The following DCP2 variants were observed in gnomAD, a reference collection of about 807,000 sequenced individuals.
The protein encoded by DCP2 is m7GpppN-mRNA hydrolase.
DCP2 carries 30 observed loss-of-function variants against 56.1 expected under a neutral mutation model. The observed-to-expected ratio is 0.53, with a 90% CI of 0.40 to 0.73. The LOEUF is 0.73. Among genes scored for constraint, DCP2 ranks in the 30% least tolerant of loss-of-function variants. DCP2 has a pLI of 0.00. For synonymous variants in DCP2, 197 were observed against 163.3 expected (o/e 1.21, Z -1.57); for missense variants, 533 against 502.7 (o/e 1.06, Z -0.58).
chr5:113,013,595 A>T lies in DCP2; in HGVS notation c.*111A>T, dbSNP rs983523645. 4.7e-6 allele frequency: 6 copies of T among 1,289,160 alleles called. No individual in the cohort carries two copies. Among genetic ancestry groups the T allele is most frequent in the Non-Finnish European group, 6.4e-6 (6 of 933,810 alleles). 79.9% of individuals were successfully genotyped at this position (1,289,160 alleles called of 1,614,324 possible). A position where few individuals can be genotyped will look rare whatever the true frequency, so the allele number is the denominator to read the frequency against. On this transcript the variant is annotated 3_prime_UTR_variant, in exon 11 of 11. Transcript: ENST00000389063. ...TGTTTTAAAGAAATGCAGGGAGGCA[A>T]TGTTTCTGAAGACATTTTCTGTTTA... is the stretch of plus-strand genomic sequence containing the variant.
At chr5:113,000,580 A>T (rs34291626) in intron 4 of DCP2, among the ~76,000 whole-genome samples, 10,192 of 152,290 alleles carry the variant, frequency 0.067, 474 homozygotes, top group Non-Finnish European at 0.1. Context: ...AATCAAAAAC[A>T]TTATTAAGCT....
intron 1 of DCP2, among the ~76,000 whole-genome samples, chr5:112,980,331 T>A (rs904514696): frequency 1.3e-5 from 2 of 152,250 alleles, no homozygotes; most frequent in African/African-American, 4.8e-5. Flanking sequence ...CAACTAGTGT[T>A]GCTGCTATTT....
At chr5:112,986,124 ATAG>A (rs1170246958) in intron 2 of DCP2, 138 bp downstream of exon 2, 4 of 741,982 alleles carry the variant, frequency 5.4e-6, no homozygotes, top group African/African-American at 1.7e-5. Flanking sequence ...TCAAACATAA[ATAG>A]TAGACACAAT....
At position 113,020,939 on chromosome 5, in the gene DCP2, T is replaced by G. The variant is rs1005294634; in HGVS notation, c.*7455T>G. The stretch of plus-strand genomic sequence containing the variant: ...GTTTGTAATGTACTATCAATAAAAT[T>G]GGCTGCTTGGGCGGTTTTAGTTACC... On this transcript the variant is annotated 3_prime_UTR_variant, in exon 11 of 11. Coordinates refer to ENST00000389063, the MANE Select transcript of DCP2 (RefSeq NM_152624.6). 6.6e-6 allele frequency: 1 copy of G among 152,238 alleles called. No individual in the cohort carries two copies. Among genetic ancestry groups the G allele is most frequent in the Admixed American group, 6.5e-5 (1 of 15,278 alleles). The allele number at this position is 152,238 out of a possible 1,614,324, so 9.4% of individuals were successfully genotyped here.
intron 4 of DCP2, among the ~76,000 whole-genome samples, chr5:112,996,808 C>T (rs781702220): frequency 1.3e-5 from 2 of 152,108 alleles, no homozygotes; most frequent in Admixed American, 1.3e-4. Flanking sequence ...ATAGTTTATT[C>T]AGTGAAATAG....
chr5:113,016,671 T>C lies in DCP2; in HGVS notation c.*3187T>C, dbSNP rs1749898327. 1 of 152,196 alleles carries C rather than the reference T, an allele frequency of 6.6e-6. No homozygotes were observed. Among genetic ancestry groups the C allele is most frequent in the African/African-American group, 2.4e-5 (1 of 41,458 alleles). The allele number at this position is 152,196 out of a possible 1,614,324, so 9.4% of individuals were successfully genotyped here. ...ACCATATTGTATCCTATAGAAAAGT[T>C]AAGGTCTGAGTGCATGTGTGCATTA... On this transcript the variant is annotated 3_prime_UTR_variant, in exon 11 of 11. Transcript: ENST00000389063.
At position 112,992,790 on chromosome 5, in the gene DCP2, T is replaced by C; in HGVS notation, c.432+20T>C. On this transcript the variant is annotated intron_variant, in intron 4 of 10. Coordinates refer to ENST00000389063, the MANE Select transcript of DCP2 (RefSeq NM_152624.6). ...AGAGAGGTAAGTTATTCCATTTTGATACACAGTAAATTTGGCTATTAGGGT... is the reference window on the plus strand; with the variant it reads ...AGAGAGGTAAGTTATTCCATTTTGACACACAGTAAATTTGGCTATTAGGGT... 1 of 1,547,318 alleles carries C rather than the reference T, an allele frequency of 6.5e-7. No individual in the cohort carries two copies. The highest frequency in any genetic ancestry group is 1.3e-5 in the South Asian group (1 of 79,908).
intron 4 of DCP2, among the ~76,000 whole-genome samples, chr5:112,999,799 A>T (rs930468545): frequency 2.0e-5 from 3 of 151,156 alleles, no homozygotes; most frequent in African/African-American, 7.3e-5. Context: ...GGTGGCTCAT[A>T]CCTATAATCC....
In DCP2 at chr5:113,021,218, T is replaced by C. The variant is rs1750108382; in HGVS notation, c.*7734T>C. On this transcript the variant is annotated 3_prime_UTR_variant, in exon 11 of 11. Coordinates refer to ENST00000389063, the MANE Select transcript of DCP2 (RefSeq NM_152624.6). ...CATGGTGAAACTAAAAATTCAAAAA[T>C]TAGCTGGGCGTGGTGGTGCGTGTCT... Among the ~76,000 whole-genome samples the C allele has an allele frequency of 6.6e-6, 1 of 151,736 alleles. No homozygotes were observed. Among genetic ancestry groups the C allele is most frequent in the Non-Finnish European group, 1.5e-5 (1 of 67,934 alleles).
chr5:113,009,411 G>C (rs1192399305), intron 9 of DCP2, among the ~76,000 whole-genome samples: 1 of 152,228 alleles, frequency 6.6e-6, no homozygotes, highest in East Asian at 1.9e-4. Flanking sequence ...TGTATATGTG[G>C]TCAAAGAATG....
At chr5:112,977,636 C>G (rs146603246) in intron 1 of DCP2, among the ~76,000 whole-genome samples, 1 of 152,224 alleles carries the variant, frequency 6.6e-6, no homozygotes, top group East Asian at 1.9e-4. Flanking sequence ...AAAGGAAATT[C>G]TCAACCGCGG....
rs1334644151 is a variant in DCP2 at position 113,014,187 on chromosome 5, T to G, written c.*703T>G. 1 of 152,284 alleles carries G rather than the reference T, an allele frequency of 6.6e-6. No individual in the cohort carries two copies. The highest frequency in any genetic ancestry group is 1.5e-5 in the Non-Finnish European group (1 of 68,078). The allele number at this position is 152,284 out of a possible 1,614,324, so 9.4% of individuals were successfully genotyped here. A position where few individuals can be genotyped will look rare whatever the true frequency, so the allele number is the denominator to read the frequency against. On this transcript the variant is annotated 3_prime_UTR_variant, in exon 11 of 11. Coordinates refer to ENST00000389063, the MANE Select transcript of DCP2 (RefSeq NM_152624.6). ...CATGCAGTCAGTAAACCTGTGAGAC[T>G]GCTGGAGGAAATGTAGCAGACAGCA...
intron 1 of DCP2, among the ~76,000 whole-genome samples, chr5:112,980,479 A>C (rs939111138): frequency 6.6e-6 from 1 of 152,232 alleles, no homozygotes; most frequent in African/African-American, 2.4e-5. Flanking sequence ...TGAGAAAATA[A>C]CATTTCGTGT....
Position 113,013,713 on chromosome 5 carries a change from G to A in DCP2, c.*229G>A, listed in dbSNP as rs182138466. On this transcript the variant is annotated 3_prime_UTR_variant, in exon 11 of 11. Transcript: ENST00000389063. ...TTTTCAGTGTTCAGTACAAGTTTAA[G>A]TTGCTTTCTTTGAGGGCATTTATTC... 4.7e-4 allele frequency: 205 copies of A among 432,138 alleles called. No individual in the cohort carries two copies. Among genetic ancestry groups the A allele is most frequent in the African/African-American group, 3.7e-3 (184 of 49,858 alleles). 26.8% of individuals were successfully genotyped at this position (432,138 alleles called of 1,614,324 possible).
chr5:112,984,725 T>TATATATA (rs1157313721), intron 1 of DCP2: 5 of 135,610 alleles, frequency 3.7e-5, no homozygotes, highest in Non-Finnish European at 6.3e-5. Flanking sequence ...TATATATATA[T>TATATATA]TTGAGACAGT....
At position 113,000,177 on chromosome 5, in the gene DCP2, C is replaced by T. The variant is rs187877647; in HGVS notation, c.433-907C>T. On this transcript the variant is annotated intron_variant, in intron 4 of 10. Transcript: ENST00000389063. ...GTCCCACTGTTGCCTAGAATGGTCT[C>T]GAACACCTGGGCTCAAGTGATCCTC... 7.2e-5 allele frequency among the ~76,000 whole-genome samples: 11 copies of T among 152,048 alleles called. No individual in the cohort carries two copies. In the East Asian group the frequency reaches 9.7e-4, roughly 13 times the overall value.
chr5:112,982,467 T>A (rs112124340), intron 1 of DCP2, among the ~76,000 whole-genome samples: 1,744 of 152,298 alleles, frequency 0.011, 33 homozygotes, highest in African/African-American at 0.04. Context: ...CTTGTGCGCA[T>A]TTTAAGTTAA....
intron 8 of DCP2, among the ~76,000 whole-genome samples, chr5:113,005,145 C>CGTGCGTGT (rs1749359022): frequency 1.8e-4 from 1 of 5,544 alleles, no homozygotes; most frequent in African/African-American, 5.4e-4. Context: ...AAAAAGTGTG[C>CGTGCGTGT]GTGTGGGTGT....
At chr5:113,002,249 C>G (rs911233865) in intron 7 of DCP2, among the ~76,000 whole-genome samples, 4 of 151,774 alleles carry the variant, frequency 2.6e-5, no homozygotes, top group African/African-American at 9.7e-5. Context: ...ATGGTGAAAC[C>G]CCATCTCTAC....
Sources: allele counts gnomAD v4.1 joint callset (sites outside exome capture counted in the v4.1 genomes callset), GRCh38; gene constraint gnomAD v4.1.1; transcripts MANE v1.5; gene names NCBI Gene and HGNC (gene_info 2026-07-23, HGNC 2026-07-21).